Variants in PITPNM2 observed in about 807,000 individuals in gnomAD.
PITPNM2 encodes the protein membrane-associated phosphatidylinositol transfer protein 2.
Under a neutral mutation model 132.2 loss-of-function variants are expected in PITPNM2, and 35 were observed. That is an observed-to-expected ratio of 0.26 (90% CI 0.20 to 0.35). The LOEUF is 0.35. Among genes scored for constraint, PITPNM2 ranks in the 10% least tolerant of loss-of-function variants. PITPNM2 has a pLI of 1.00. For missense variants in PITPNM2, 1,332 were observed against 1,912.0 expected, an observed-to-expected ratio of 0.70 and a Z score of 5.66; for synonymous variants, 738 against 799.2, an observed-to-expected ratio of 0.92 and a Z score of 1.29.
intron 3 of PITPNM2, among the ~76,000 whole-genome samples, chr12:123,024,818 T>C (rs1344706032): frequency 2.0e-5 from 3 of 152,120 alleles, no homozygotes; most frequent in Non-Finnish European, 2.9e-5. Context: ...CTAAAATTGA[T>C]TCTGGTGACG....
intron 1 of PITPNM2, among the ~76,000 whole-genome samples, chr12:123,116,667 A>G (rs933308153): frequency 7.6e-6 from 1 of 131,068 alleles, no homozygotes; most frequent in African/African-American, 2.8e-5. Context: ...AAAAAAAAAA[A>G]GCAGGAGAGG....
intron 2 of PITPNM2, among the ~76,000 whole-genome samples, chr12:123,107,124 G>A (rs139833664): frequency 6.6e-6 from 1 of 152,216 alleles, no homozygotes; most frequent in Non-Finnish European, 1.5e-5. Flanking sequence ...CCCTGCCCAT[G>A]TCATGAGCTC....
intron 1 of PITPNM2, among the ~76,000 whole-genome samples, chr12:123,135,740 C>A (rs554309057): frequency 6.6e-6 from 1 of 152,112 alleles, no homozygotes; most frequent in Non-Finnish European, 1.5e-5. Context: ...CTACGCTGCC[C>A]AGGCTGGAGT....
chr12:123,079,231 G>A (rs544227326), intron 2 of PITPNM2, among the ~76,000 whole-genome samples: 1 of 152,018 alleles, frequency 6.6e-6, no homozygotes, highest in African/African-American at 2.4e-5. Flanking sequence ...GTCTGCATCC[G>A]GCACCAGAGC....
intron 2 of PITPNM2, among the ~76,000 whole-genome samples, chr12:123,079,300 A>G (rs1418986849): frequency 2.2e-5 from 3 of 137,382 alleles, no homozygotes; most frequent in Non-Finnish European, 4.7e-5. Flanking sequence ...GCCCAATCCC[A>G]TCGCTTTCTC....
At chr12:123,120,145 G>A (rs1257021140) in intron 1 of PITPNM2, among the ~76,000 whole-genome samples, 1 of 152,158 alleles carries the variant, frequency 6.6e-6, no homozygotes, top group Non-Finnish European at 1.5e-5. Flanking sequence ...TGAACCCGCA[G>A]ATTTAAGGTC....
chr12:123,030,465 G>A (rs1032159423), intron 3 of PITPNM2, among the ~76,000 whole-genome samples: 6 of 152,116 alleles, frequency 3.9e-5, no homozygotes, highest in African/African-American at 7.2e-5. Flanking sequence ...AAGCTGAGGC[G>A]GGCGGATCAC....
At chr12:123,146,293 C>T (rs1391718547) in intron 1 of PITPNM2, among the ~76,000 whole-genome samples, 1 of 152,034 alleles carries the variant, frequency 6.6e-6, no homozygotes, top group Admixed American at 6.6e-5. Context: ...GTGCTTGTAC[C>T]CCTGAACTTA....
intron 1 of PITPNM2, among the ~76,000 whole-genome samples, chr12:123,115,888 G>A (rs1434996073): frequency 6.6e-6 from 1 of 152,208 alleles, no homozygotes. Context: ...TCCAAGGGAG[G>A]GAACAGTTGG....
At chr12:123,044,470 A>G (rs1158381377) in intron 2 of PITPNM2, among the ~76,000 whole-genome samples, 1 of 152,232 alleles carries the variant, frequency 6.6e-6, no homozygotes, top group Admixed American at 6.5e-5. Context: ...AGCAAAACTC[A>G]GCTCAATCAA....
At chr12:123,105,217 T>C (rs2042679248) in intron 2 of PITPNM2, 1 of 152,158 alleles carries the variant, frequency 6.6e-6, no homozygotes, top group African/African-American at 2.4e-5. Flanking sequence ...CTGATCACCA[T>C]CTGATGTGCT....
At chr12:123,091,541 G>C (rs772820210) in intron 2 of PITPNM2, 1 of 152,210 alleles carries the variant, frequency 6.6e-6, no homozygotes, top group Non-Finnish European at 1.5e-5. Flanking sequence ...TGCTGAGTGA[G>C]GGTCATGGAA....
rs1438634244 is a variant in PITPNM2, at chr12:123,095,136, T to C, written c.-96+15249A>G. On this transcript the variant is annotated intron_variant, in intron 2 of 25. Transcript: ENST00000320201. This position sits in a 1 kb window ranked among gnomAD's most constrained non-coding sequence, Gnocchi z 5.0. ...GGATCCAAGACTCTCCACTCCACCA[T>C]CCTTGCACAGCAGGCTGATTCAGGG... Among the ~76,000 whole-genome samples the C allele has an allele frequency of 6.6e-6, 1 of 152,138 alleles. No individual in the cohort carries two copies. The highest frequency in any genetic ancestry group is 1.5e-5 in the Non-Finnish European group (1 of 68,020).
At chr12:123,086,164 T>C (rs1039438956) in intron 2 of PITPNM2, among the ~76,000 whole-genome samples, 1 of 152,200 alleles carries the variant, frequency 6.6e-6, no homozygotes, top group Non-Finnish European at 1.5e-5. Context: ...AAGGTAGCCG[T>C]GAGCAAGAAC....
intron 3 of PITPNM2, among the ~76,000 whole-genome samples, chr12:123,030,168 G>T (rs565624787): frequency 1.3e-5 from 2 of 152,166 alleles, no homozygotes; most frequent in African/African-American, 4.8e-5. Context: ...AGATAACCTG[G>T]GGACTCTTCT....
intron 2 of PITPNM2, among the ~76,000 whole-genome samples, chr12:123,055,140 T>C (rs2040981766): frequency 3.9e-5 from 6 of 152,206 alleles, no homozygotes; most frequent in Admixed American, 3.9e-4. Flanking sequence ...AAACTCCAAA[T>C]AAGTTAAGGT....
At chr12:123,006,665 A>T (rs942209400) in intron 6 of PITPNM2, among the ~76,000 whole-genome samples, 3 of 151,426 alleles carry the variant, frequency 2.0e-5, no homozygotes, top group Non-Finnish European at 4.4e-5. Context: ...GCGAGCCATG[A>T]TCATGCCACT....
In PITPNM2 at chr12:122,995,600, C is replaced by T. The variant is rs1047745444; in HGVS notation, c.1843G>A (p.Gly615Ser). ...CTGCCACCACCGCCACCGCCGCCAC[C>T]GCCACCACCGCAGCAGTGTGCTGCA... ...MNAAHCCGGG[G>S]GGGGGGGSSG... The change falls in exon 14 of 26, where the codon GGT (glycine) becomes AGT (serine). Residue 615 changes from glycine to serine, a missense_variant. Coordinates refer to ENST00000320201, the MANE Select transcript of PITPNM2 (RefSeq NM_020845.3). The T allele has an allele frequency of 8.7e-6, 14 of 1,605,040 alleles. No individual in the cohort carries two copies. The highest frequency in any genetic ancestry group is 1.6e-4 in the Middle Eastern group (1 of 6,076).
intron 2 of PITPNM2, among the ~76,000 whole-genome samples, chr12:123,042,117 G>T (rs901374874): frequency 6.6e-6 from 1 of 151,982 alleles, no homozygotes; most frequent in Non-Finnish European, 1.5e-5. Context: ...GAGCTGTGAG[G>T]GATGTCACCC....
Sources: allele counts gnomAD v4.1 joint callset (sites outside exome capture counted in the v4.1 genomes callset), GRCh38; gene constraint gnomAD v4.1.1; non-coding constraint Gnocchi (gnomAD v3.1); transcripts MANE v1.5; gene names NCBI Gene and HGNC (gene_info 2026-07-23, HGNC 2026-07-21).